PWWP3B: variants seen among roughly 807,000 people sequenced by gnomAD.
The protein encoded by PWWP3B is PWWP domain-containing DNA repair factor 3B.
PWWP3B carries 5 observed loss-of-function variants against 15.7 expected under a neutral mutation model. The observed-to-expected ratio is 0.32, with a 90% CI of 0.17 to 0.67. The LOEUF is 0.67. PWWP3B is among the 30% of genes least tolerant of loss of function. The pLI is 0.74. For synonymous variants in PWWP3B, 203 were observed against 179.8 expected, an observed-to-expected ratio of 1.13 and a Z score of -1.03; for missense variants, 519 against 493.1, an observed-to-expected ratio of 1.05 and a Z score of -0.50.
intron 2 of PWWP3B, among the ~76,000 whole-genome samples, chrX:106,191,032 T>C (rs1273367718): frequency 9.1e-6 from 1 of 109,771 alleles, no homozygotes; most frequent in African/African-American, 3.3e-5. Flanking sequence ...ATGCGGGCTC[T>C]TTTTTGGTTC....
At chrX:106,200,217 C>A (rs928111743) in intron 2 of PWWP3B, among the ~76,000 whole-genome samples, 1 of 111,657 alleles carries the variant, frequency 9.0e-6, no homozygotes, top group Non-Finnish European at 1.9e-5. Context: ...GATGGTAGAG[C>A]CACAGGATGG....
chrX:106,175,054 A>AAAAAG (rs1253708674), intron 2 of PWWP3B, among the ~76,000 whole-genome samples: 16 of 106,967 alleles, frequency 1.5e-4, no homozygotes, highest in African/African-American at 5.5e-4. Context: ...AAAAAAAAAA[A>AAAAAG]AAGAAGAAAA....
At chrX:106,187,869 C>T (rs1922615978) in intron 2 of PWWP3B, among the ~76,000 whole-genome samples, 1 of 112,057 alleles carries the variant, frequency 8.9e-6, no homozygotes, top group Non-Finnish European at 1.9e-5. Context: ...AAAATAATGA[C>T]ATTTATTTAT....
intron 2 of PWWP3B, among the ~76,000 whole-genome samples, chrX:106,191,576 T>C (rs1379495809): frequency 1.8e-5 from 2 of 111,555 alleles, no homozygotes; most frequent in Non-Finnish European, 3.8e-5. Context: ...TCCAACACTA[T>C]GTTGAATAAG....
chrX:106,172,394 AT>A (rs1401868020), intron 2 of PWWP3B, among the ~76,000 whole-genome samples: 16 of 111,913 alleles, frequency 1.4e-4, no homozygotes, highest in African/African-American at 4.5e-4. Flanking sequence ...AGTAAAAAAA[AT>A]AAAATAAAAT....
chrX:106,201,072 AAAAT>A (rs998111042), intron 2 of PWWP3B, among the ~76,000 whole-genome samples: 1 of 110,901 alleles, frequency 9.0e-6, no homozygotes, highest in Admixed American at 9.6e-5. Flanking sequence ...AATAAAATAA[AAAAT>A]AAAAATAAAA....
chrX:106,205,718 A>G lies in PWWP3B; in HGVS notation c.286A>G (p.Ile96Val), dbSNP rs1172681969. 1.7e-6 allele frequency: 2 copies of G among 1,210,135 alleles called. No homozygotes were observed. The highest frequency in any genetic ancestry group is 2.2e-6 in the Non-Finnish European group (2 of 895,245). Residue 96 changes from isoleucine to valine, a missense_variant, in exon 4 of 4, where the codon ATT becomes GTT. By Grantham distance (29) the Ile-to-Val change is conservative (BLOSUM62 3). Coordinates refer to ENST00000357175, the MANE Select transcript of PWWP3B (RefSeq NM_001171020.2). ...YGRSLKVALG[I>V]LNERTNLSQA... is the part of the protein sequence containing the mutation. ...AAGATCACTAAAAGTGGCACTGGGT[A>G]TTCTGAATGAGAGAACAAATTTGAG...
chrX:106,186,285 C>T (rs756380128), intron 2 of PWWP3B, among the ~76,000 whole-genome samples: 1 of 110,873 alleles, frequency 9.0e-6, no homozygotes, highest in East Asian at 2.9e-4. Context: ...CTCTGTTGAC[C>T]TTTGGCTGAG....
At position 106,206,177 on chromosome X, in the gene PWWP3B, A is replaced by T; in HGVS notation, c.745A>T (p.Ile249Phe). 8.3e-7 allele frequency: 1 copy of T among 1,207,678 alleles called. No homozygotes were observed. The highest frequency in any genetic ancestry group is 1.8e-5 in the South Asian group (1 of 56,212). Residue 249 changes from isoleucine to phenylalanine, a missense_variant, in exon 4 of 4, where the codon ATT (isoleucine) becomes TTT (phenylalanine). Transcript: ENST00000357175. Reference protein sequence around the residue: ...PLSPLSSDMLIMPKALKEESE... With the variant: ...PLSPLSSDMLFMPKALKEESE... The stretch of plus-strand genomic sequence containing the variant: ...GTCACCTTTGTCATCAGATATGCTC[A>T]TTATGCCCAAAGCTTTGAAAGAAGA...
rs1924123634 is a variant in PWWP3B at position 106,207,661 on chromosome X, G to A, written c.*138G>A. 1 of 530,072 alleles carries A rather than the reference G, an allele frequency of 1.9e-6. No individual in the cohort carries two copies. Among genetic ancestry groups the A allele is most frequent in the South Asian group, 7.7e-5 (1 of 12,913 alleles). The allele number at this position is 530,072 out of a possible 1,213,427, so 43.7% of individuals were successfully genotyped here. On this transcript the variant is annotated 3_prime_UTR_variant, in exon 4 of 4. Coordinates refer to ENST00000357175, the MANE Select transcript of PWWP3B (RefSeq NM_001171020.2). Reference sequence around the variant, plus strand: ...TGTTCACTTTTTTTTGAGATCTCTAGGATCTGTGGTTATAATTACATCTTT... The same window carrying A: ...TGTTCACTTTTTTTTGAGATCTCTAAGATCTGTGGTTATAATTACATCTTT...
intron 2 of PWWP3B, among the ~76,000 whole-genome samples, chrX:106,174,196 G>T (rs1026596861): frequency 8.9e-6 from 1 of 111,810 alleles, no homozygotes; most frequent in Non-Finnish European, 1.9e-5. Context: ...GATCATTACA[G>T]GAAGAGATGT....
At chrX:106,189,155 G>A (rs1446571976) in intron 2 of PWWP3B, among the ~76,000 whole-genome samples, 1 of 112,254 alleles carries the variant, frequency 8.9e-6, no homozygotes, top group East Asian at 2.8e-4. Context: ...ATCATTGCTA[G>A]AAGTCGATAC....
At position 106,206,201 on chromosome X, in the gene PWWP3B, G is replaced by C. The variant is rs755979209; in HGVS notation, c.769G>C (p.Glu257Gln). The C allele has an allele frequency of 6.6e-6, 8 of 1,204,951 alleles. No individual in the cohort carries two copies. The highest frequency in any genetic ancestry group is 7.8e-6 in the Non-Finnish European group (7 of 892,221). ...CATTATGCCCAAAGCTTTGAAAGAA[G>C]AGAGCGAGGATACCTGCCTAGAGAC... is the stretch of plus-strand genomic sequence containing the variant. ...MLIMPKALKE[E>Q]SEDTCLETLA... Residue 257 changes from glutamate (E) to glutamine (Q), a missense_variant, in exon 4 of 4, where the codon GAG becomes CAG. Physicochemically the swap from Glu to Gln is conservative, Grantham distance 29. Transcript: ENST00000357175.
chrX:106,179,158 A>T (rs944069007), intron 2 of PWWP3B, among the ~76,000 whole-genome samples: 1 of 112,299 alleles, frequency 8.9e-6, no homozygotes, highest in African/African-American at 3.2e-5. Context: ...ATCTGACAGC[A>T]TGTAGAGTGT....
intron 2 of PWWP3B, among the ~76,000 whole-genome samples, chrX:106,191,935 C>T (rs780558684): frequency 1.4e-4 from 16 of 111,480 alleles, no homozygotes; most frequent in African/African-American, 4.6e-4. Flanking sequence ...CTGCTGGATC[C>T]GATTTGCCAG....
At position 106,168,360 on chromosome X, in the gene PWWP3B, C is replaced by T. The variant is rs947389147; in HGVS notation, c.-594C>T. The T allele has an allele frequency of 1.8e-5, 2 of 111,688 alleles. No individual in the cohort carries two copies. The highest frequency in any genetic ancestry group is 6.5e-5 in the African/African-American group (2 of 30,738). 9.2% of individuals were successfully genotyped at this position (111,688 alleles called of 1,213,427 possible). A position where few individuals can be genotyped will look rare whatever the true frequency, so the allele number is the denominator to read the frequency against. ...GGCTTCGGAGGCTTCCGTGGAGAAG[C>T]TTGGAGGTAATGGCTGTCGTAAATG... On this transcript the variant is annotated 5_prime_UTR_variant, in exon 1 of 4. Transcript: ENST00000357175.
chrX:106,207,368 ATT>A lies in PWWP3B; in HGVS notation c.1938_1939del (p.Ile646MetfsTer7). 1 of 1,179,519 alleles carries A rather than the reference ATT, an allele frequency of 8.5e-7. No homozygotes were observed. Among genetic ancestry groups the A allele is most frequent in the Non-Finnish European group, 1.1e-6 (1 of 878,826 alleles). ...AGAAGTTCTTCTGCCAGAAGCAATT[ATT>A]TGTTCAATTTCTGCTGTTGATGGGT... ...ILEVLLPEAI[I>X]CSISAVDGLD... On this transcript the variant is annotated frameshift_variant, in exon 4 of 4. Transcript: ENST00000357175. LOFTEE classifies it high-confidence loss of function.
At position 106,199,624 on chromosome X, in the gene PWWP3B, A is replaced by G. The variant is rs187677547; in HGVS notation, c.-400-4361A>G. On this transcript the variant is annotated intron_variant, in intron 2 of 3. Coordinates refer to ENST00000357175, the MANE Select transcript of PWWP3B (RefSeq NM_001171020.2). ...AAAGCAAGAGAAAGGGGGAAAGTGGAAAAAAAAAGCCCAAGCTGGTTATTT... is the reference window on the plus strand; with the variant it reads ...AAAGCAAGAGAAAGGGGGAAAGTGGGAAAAAAAAGCCCAAGCTGGTTATTT... Among the ~76,000 whole-genome samples, 60 of 109,135 alleles carry G rather than the reference A, an allele frequency of 5.5e-4. 1 individual carries two copies. The highest frequency in any genetic ancestry group is 9.3e-3 in the Middle Eastern group (2 of 215). 94.8% of individuals were successfully genotyped at this position (109,135 alleles called of 115,157 possible). A position where few individuals can be genotyped will look rare whatever the true frequency, so the allele number is the denominator to read the frequency against.
chrX:106,192,399 A>AT (rs1923041979), intron 2 of PWWP3B, among the ~76,000 whole-genome samples: 1 of 111,043 alleles, frequency 9.0e-6, no homozygotes, highest in Non-Finnish European at 1.9e-5. Flanking sequence ...CCCCTTTATC[A>AT]TTTTTTATTG....
Sources: gnomAD v4.1 joint callset for allele counts (sites outside exome capture counted in the v4.1 genomes callset) on GRCh38, gnomAD v4.1.1 for gene constraint, MANE v1.5 for transcripts, NCBI Gene and HGNC (gene_info 2026-07-23, HGNC 2026-07-21) for gene names.